Variants in MEIS1 observed in about 807,000 individuals in gnomAD.
MEIS1 encodes Meis homeobox 1.
A neutral mutation model predicts 50.8 loss-of-function variants in MEIS1; 5 were observed. The ratio of observed to expected loss-of-function variants is 0.10; its 90% CI spans 0.05 to 0.21. The LOEUF (loss-of-function observed/expected upper bound fraction) is 0.21. MEIS1 is among the 10% of genes least tolerant of loss of function. The pLI is 1.00. For missense variants in MEIS1, 318 were observed against 517.3 expected (o/e 0.61, Z 3.74); for synonymous variants, 176 against 179.3 (o/e 0.98, Z 0.15).
intron 7 of MEIS1, among the ~76,000 whole-genome samples, chr2:66,470,758 G>A (rs774474656): frequency 2.6e-5 from 4 of 152,072 alleles, no homozygotes; most frequent in African/African-American, 7.2e-5. Context: ...GATATTCTTC[G>A]AACACAGAAG....
At chr2:66,448,000 A>G (rs369397618) in intron 6 of MEIS1, among the ~76,000 whole-genome samples, 8 of 152,176 alleles carry the variant, frequency 5.3e-5, no homozygotes, top group Middle Eastern at 3.2e-3. Context: ...TCAAATAGCA[A>G]TTCTTCCCCC....
intron 6 of MEIS1, among the ~76,000 whole-genome samples, chr2:66,444,487 G>A (rs1672079061): frequency 1.3e-5 from 2 of 152,344 alleles, no homozygotes; most frequent in South Asian, 4.1e-4. Flanking sequence ...CATGGGGAGC[G>A]AGAAACAGGC....
At chr2:66,546,279 C>A (rs1380556988) in intron 8 of MEIS1, among the ~76,000 whole-genome samples, 1 of 152,062 alleles carries the variant, frequency 6.6e-6, no homozygotes, top group African/African-American at 2.4e-5. Flanking sequence ...ACGGGAAAAG[C>A]TGGTGGTGTT....
At chr2:66,550,980 T>A (rs759042152) in intron 9 of MEIS1, among the ~76,000 whole-genome samples, 3 of 152,222 alleles carry the variant, frequency 2.0e-5, no homozygotes, top group Non-Finnish European at 4.4e-5. Flanking sequence ...TTAAAACTTG[T>A]TAATACACAT....
intron 8 of MEIS1, among the ~76,000 whole-genome samples, chr2:66,527,592 G>GT (rs1491118161): frequency 1.5e-4 from 1 of 6,474 alleles, no homozygotes; most frequent in African/African-American, 6.6e-4. Flanking sequence ...GTAAAAGCAA[G>GT]TGTGTGTGTG....
At chr2:66,459,966 A>C (rs1415520163) in intron 6 of MEIS1, among the ~76,000 whole-genome samples, 2 of 152,156 alleles carry the variant, frequency 1.3e-5, no homozygotes, top group African/African-American at 4.8e-5. Flanking sequence ...AGCATATAGG[A>C]AATCAAACCA....
At chr2:66,513,206 G>A (rs940912174) in intron 8 of MEIS1, among the ~76,000 whole-genome samples, 20 of 152,162 alleles carry the variant, frequency 1.3e-4, no homozygotes, top group Admixed American at 1.3e-3. Context: ...GATGAATTTA[G>A]ACAGGTTGTA....
chr2:66,519,467 A>G (rs1397724738), intron 8 of MEIS1, among the ~76,000 whole-genome samples: 1 of 151,506 alleles, frequency 6.6e-6, no homozygotes, highest in African/African-American at 2.4e-5. Flanking sequence ...TAGTCACTTC[A>G]GTGTGTCAAG....
Position 66,568,871 on chromosome 2 carries a change from C to T in MEIS1, c.1114+115C>T, listed in dbSNP as rs998937787. ...CTGTTATCTCAAGCTGGCTGCCTTG[C>T]CTTGTCTGCTATCTGTGCATCTAAG... On this transcript the variant is annotated intron_variant, in intron 11 of 12. Coordinates refer to ENST00000272369, the MANE Select transcript of MEIS1 (RefSeq NM_002398.3). 3 of 1,135,298 alleles carry T rather than the reference C, an allele frequency of 2.6e-6. No homozygotes were observed. The South Asian group carries it at 3.7e-5, about 14-fold the overall frequency. 70.3% of individuals were successfully genotyped at this position (1,135,298 alleles called of 1,614,324 possible).
At position 66,439,186 on chromosome 2, in the gene MEIS1, T is replaced by C. The variant is rs1573115519; in HGVS notation, c.240-657T>C. On this transcript the variant is annotated intron_variant, in intron 2 of 12. Coordinates refer to ENST00000272369, the MANE Select transcript of MEIS1 (RefSeq NM_002398.3). ...GCAGAGACAAAATGAAAGGCTCTACTGCAGGAACATTTGAAGGAACTTTCT... is the reference window on the plus strand; with the variant it reads ...GCAGAGACAAAATGAAAGGCTCTACCGCAGGAACATTTGAAGGAACTTTCT... 1.2e-5 allele frequency: 9 copies of C among 742,636 alleles called. 1 individual carries two copies. The South Asian group carries it at 5.5e-4, about 45-fold the overall frequency. The allele number at this position is 742,636 out of a possible 1,614,324, so 46.0% of individuals were successfully genotyped here.
intron 1 of MEIS1, chr2:66,436,755 A>G (rs1671806459): frequency 4.6e-6 from 2 of 430,904 alleles, no homozygotes; most frequent in African/African-American, 4.3e-5. Context: ...TTTGAAAATC[A>G]TTTCACTCTC....
In MEIS1 at chr2:66,568,775, G is replaced by A. The variant is rs546589058; in HGVS notation, c.1114+19G>A. ...GCACCAGGTAAGACTTTGTTTTTGTGGTAGTTCCTCATTTTTGACTCCAAG... is the reference window on the plus strand; with the variant it reads ...GCACCAGGTAAGACTTTGTTTTTGTAGTAGTTCCTCATTTTTGACTCCAAG... On this transcript the variant is annotated intron_variant, in intron 11 of 12. Transcript: ENST00000272369. The A allele has an allele frequency of 5.0e-6, 8 of 1,603,806 alleles. No homozygotes were observed. The highest frequency in any genetic ancestry group is 2.2e-5 in the East Asian group (1 of 44,814).
chr2:66,525,976 G>A (rs192724467), intron 8 of MEIS1, among the ~76,000 whole-genome samples: 1 of 152,312 alleles, frequency 6.6e-6, no homozygotes, highest in African/African-American at 2.4e-5. Context: ...TATGTTTGAG[G>A]GAGAACTGCG....
chr2:66,442,692 G>T, intron 5 of MEIS1: 1 of 502,204 alleles, frequency 2.0e-6, no homozygotes, highest in Non-Finnish European at 3.4e-6. Flanking sequence ...GAATCATCTT[G>T]TCACTGTCAA....
chr2:66,439,018 A>G (rs1197288708), intron 2 of MEIS1: 1 of 152,364 alleles, frequency 6.6e-6, no homozygotes, highest in Non-Finnish European at 1.5e-5. Context: ...GAGAGCTAAT[A>G]AAAGACTTGA....
At chr2:66,557,445 C>T (rs543969099) in intron 9 of MEIS1, among the ~76,000 whole-genome samples, 54 of 152,294 alleles carry the variant, frequency 3.5e-4, no homozygotes, top group African/African-American at 1.3e-3. Context: ...TTCCGTCTCT[C>T]TCTCCAACAG....
chr2:66,460,633 T>C (rs748091817), intron 6 of MEIS1, among the ~76,000 whole-genome samples: 1 of 152,150 alleles, frequency 6.6e-6, no homozygotes, highest in African/African-American at 2.4e-5. Flanking sequence ...TTTATGACAA[T>C]AGAAATAGTG....
At chr2:66,568,955 C>T (rs1469913823) in intron 11 of MEIS1, 95 bp from the exon 12 acceptor site, 1 of 1,248,492 alleles carries the variant, frequency 8.0e-7, no homozygotes, top group East Asian at 2.3e-5. Flanking sequence ...TTTCTCAACC[C>T]TCTAGATCCT....
intron 7 of MEIS1, among the ~76,000 whole-genome samples, chr2:66,496,576 G>A (rs1381608374): frequency 1.3e-5 from 2 of 152,148 alleles, no homozygotes; most frequent in Admixed American, 6.5e-5. Context: ...GCGTGATGCT[G>A]GGAAATGTTT....
Sources: gnomAD v4.1 joint callset for allele counts (sites outside exome capture counted in the v4.1 genomes callset) on GRCh38, gnomAD v4.1.1 for gene constraint, MANE v1.5 for transcripts, NCBI Gene and HGNC (gene_info 2026-07-23, HGNC 2026-07-21) for gene names.